RBMS3: variants seen among roughly 807,000 people sequenced by gnomAD.
RBMS3 encodes the protein RNA binding motif single stranded interacting protein 3, also known as RNA-binding motif, single-stranded-interacting protein 3.
A neutral mutation model predicts 66.8 loss-of-function variants in RBMS3; 27 were observed. That is an observed-to-expected ratio of 0.40 (90% CI 0.30 to 0.56). RBMS3 has a LOEUF of 0.56. Among genes scored for constraint, RBMS3 ranks in the 20% least tolerant of loss-of-function variants. RBMS3 has a pLI of 0.40. For missense variants in RBMS3, 513 were observed against 549.5 expected (o/e 0.93, Z 0.66); for synonymous variants, 188 against 183.0 (o/e 1.03, Z -0.22).
chr3:29,443,518 C>T (rs926661970), intron 2 of RBMS3, among the ~76,000 whole-genome samples: 16 of 152,260 alleles, frequency 1.1e-4, no homozygotes, highest in African/African-American at 3.8e-4. Context: ...TAATGTGAGA[C>T]TTCATTTGCA....
chr3:29,320,427 T>C (rs2034938108), intron 1 of RBMS3, among the ~76,000 whole-genome samples: 1 of 152,014 alleles, frequency 6.6e-6, no homozygotes, highest in African/African-American at 2.4e-5. Flanking sequence ...AATAAATACA[T>C]GAATAAAGAA....
intron 4 of RBMS3, among the ~76,000 whole-genome samples, chr3:29,636,803 A>G (rs942398081): frequency 3.3e-5 from 5 of 151,892 alleles, no homozygotes; most frequent in Non-Finnish European, 5.9e-5. Flanking sequence ...AAATAGGTAT[A>G]TGGTGCACCA....
intron 1 of RBMS3, among the ~76,000 whole-genome samples, chr3:29,300,734 ATTAAG>A (rs1288660449): frequency 2.6e-5 from 4 of 152,006 alleles, no homozygotes; most frequent in Non-Finnish European, 4.4e-5. Flanking sequence ...AATATTGAAA[ATTAAG>A]TTGTTTCCAA....
At chr3:29,976,754 G>A (rs1697615486) in intron 12 of RBMS3, among the ~76,000 whole-genome samples, 1 of 150,814 alleles carries the variant, frequency 6.6e-6, no homozygotes, top group African/African-American at 2.5e-5. Context: ...GCAAGCATGT[G>A]AAATGGTATC....
At chr3:29,656,391 C>A (rs1167183513) in intron 4 of RBMS3, among the ~76,000 whole-genome samples, 1 of 152,144 alleles carries the variant, frequency 6.6e-6, no homozygotes, top group Non-Finnish European at 1.5e-5. Flanking sequence ...AGTACAGTAA[C>A]ATGCTATACA....
chr3:29,328,614 C>T (rs556710227), intron 1 of RBMS3, among the ~76,000 whole-genome samples: 14 of 152,206 alleles, frequency 9.2e-5, no homozygotes, highest in African/African-American at 3.1e-4. Flanking sequence ...CTTTTCATGG[C>T]CTAGAAAATT....
At chr3:29,698,593 C>T (rs1375637317) in intron 4 of RBMS3, 1 of 985,144 alleles carries the variant, frequency 1.0e-6, no homozygotes, top group Non-Finnish European at 1.2e-6. Context: ...AGAATTTGGG[C>T]ATGTCTACCA....
intron 3 of RBMS3, among the ~76,000 whole-genome samples, chr3:29,510,755 T>C (rs2044366847): frequency 6.6e-6 from 1 of 152,228 alleles, no homozygotes; most frequent in South Asian, 2.1e-4. Context: ...ATGCTCAATT[T>C]GTAATATTGT....
At chr3:29,542,112 A>T (rs1240305018) in intron 3 of RBMS3, among the ~76,000 whole-genome samples, 1 of 152,094 alleles carries the variant, frequency 6.6e-6, no homozygotes, top group Non-Finnish European at 1.5e-5. Flanking sequence ...TCTGCAACAG[A>T]CCCTGTATGT....
chr3:29,750,949 T>C (rs921946609), intron 5 of RBMS3, among the ~76,000 whole-genome samples: 1 of 152,212 alleles, frequency 6.6e-6, no homozygotes, highest in African/African-American at 2.4e-5. Flanking sequence ...ACACTTGATA[T>C]TGAAATTTAA....
At chr3:29,487,073 C>G (rs2043347842) in intron 2 of RBMS3, among the ~76,000 whole-genome samples, 1 of 152,100 alleles carries the variant, frequency 6.6e-6, no homozygotes, top group Non-Finnish European at 1.5e-5. Context: ...CTTAATAGCT[C>G]AAACCTAGCT....
At chr3:29,731,953 C>T (rs1195555596) in intron 4 of RBMS3, among the ~76,000 whole-genome samples, 1 of 151,516 alleles carries the variant, frequency 6.6e-6, no homozygotes, top group African/African-American at 2.4e-5. Flanking sequence ...CCCCATCTCC[C>T]CCTCTGTACC....
At chr3:30,000,432 C>T (rs1406297846) in intron 14 of RBMS3, among the ~76,000 whole-genome samples, 1 of 152,170 alleles carries the variant, frequency 6.6e-6, no homozygotes, top group Non-Finnish European at 1.5e-5. Flanking sequence ...TACTTTTACA[C>T]TGTTGGTGGG....
At chr3:29,884,537 G>A (rs1391379146) in intron 8 of RBMS3, among the ~76,000 whole-genome samples, 3 of 141,832 alleles carry the variant, frequency 2.1e-5, no homozygotes, top group African/African-American at 7.8e-5. Context: ...TAGGCTGAGA[G>A]AATAATAACT....
chr3:29,985,530 G>A (rs1698320466), intron 12 of RBMS3, among the ~76,000 whole-genome samples: 1 of 152,154 alleles, frequency 6.6e-6, no homozygotes, highest in Admixed American at 6.5e-5. Context: ...TGTGAGAAAA[G>A]GCATAGTATC....
intron 4 of RBMS3, among the ~76,000 whole-genome samples, chr3:29,596,117 G>A (rs987319833): frequency 6.6e-6 from 1 of 152,152 alleles, no homozygotes; most frequent in African/African-American, 2.4e-5. Context: ...AGCTTTCCTG[G>A]ACCCAACTAT....
intron 1 of RBMS3, among the ~76,000 whole-genome samples, chr3:29,339,163 C>T (rs140441659): frequency 1.6e-4 from 25 of 152,268 alleles, no homozygotes; most frequent in African/African-American, 3.6e-4. Context: ...GGGCCCATGC[C>T]GTAATTCTTC....
intron 6 of RBMS3, among the ~76,000 whole-genome samples, chr3:29,859,570 A>T (rs1044166915): frequency 6.6e-6 from 1 of 152,232 alleles, no homozygotes; most frequent in Non-Finnish European, 1.5e-5. Flanking sequence ...AGAAAATTGT[A>T]TAGTTATATG....
At chr3:29,775,084 A>C (rs1325234789) in intron 6 of RBMS3, among the ~76,000 whole-genome samples, 2 of 151,878 alleles carry the variant, frequency 1.3e-5, no homozygotes, top group Non-Finnish European at 2.9e-5. Flanking sequence ...CCTTCATCTT[A>C]GAAAAGATGA....
Sources: gnomAD v4.1 joint callset for allele counts (sites outside exome capture counted in the v4.1 genomes callset) on GRCh38, gnomAD v4.1.1 for gene constraint, MANE v1.5 for transcripts, NCBI Gene and HGNC (gene_info 2026-07-23, HGNC 2026-07-21) for gene names.